Variants in COL23A1 observed in about 807,000 individuals in gnomAD.
COL23A1 encodes the protein collagen alpha-1(XXIII) chain.
In COL23A1, 97 loss-of-function variants were observed where a neutral mutation model predicts 99.3. The ratio of observed to expected loss-of-function variants is 0.98; its 90% confidence interval spans 0.83 to 1.16. The LOEUF (loss-of-function observed/expected upper bound fraction) is 1.16, where lower values mean the gene tolerates loss of function less well. COL23A1 is among the 50% of genes most tolerant of loss of function. The pLI, the probability that COL23A1 is intolerant of heterozygous loss-of-function variation, is 0.00. For synonymous variants in COL23A1, 320 were observed against 308.2 expected (o/e 1.04, Z -0.40); for missense variants, 762 against 757.4 (o/e 1.01, Z -0.07).
In COL23A1 at chr5:178,238,431, C is replaced by G; in HGVS notation, c.*267G>C. On this transcript the variant is annotated 3_prime_UTR_variant, in exon 29 of 29. Coordinates refer to ENST00000390654, the MANE Select transcript of COL23A1 (RefSeq NM_173465.4). ...AACGTAGCATCTTTCTAGCCTTGCC[C>G]GAGCCAGGTGCTTCTACCTTCATCT... 1 of 528,772 alleles carries G rather than the reference C, an allele frequency of 1.9e-6. No individual in the cohort carries two copies. Among genetic ancestry groups the G allele is most frequent in the South Asian group, 2.3e-5 (1 of 42,610 alleles). 32.8% of individuals were successfully genotyped at this position (528,772 alleles called of 1,614,324 possible). A position where few individuals can be genotyped will look rare whatever the true frequency, so the allele number is the denominator to read the frequency against.
At chr5:178,466,839 C>G (rs776033861) in intron 2 of COL23A1, among the ~76,000 whole-genome samples, 5 of 152,206 alleles carry the variant, frequency 3.3e-5, no homozygotes, top group African/African-American at 1.2e-4. Flanking sequence ...TGGGGGTCAG[C>G]TGGGCACACG....
chr5:178,263,109 T>C (rs1315967779), intron 9 of COL23A1, 99 bp downstream of exon 9: 1 of 867,942 alleles, frequency 1.2e-6, no homozygotes, highest in Non-Finnish European at 2.0e-6. Flanking sequence ...TAGTGTGGGG[T>C]CTGCACTAGA....
At chr5:178,252,264 A>G (rs1765076833) in intron 17 of COL23A1, among the ~76,000 whole-genome samples, 2 of 152,208 alleles carry the variant, frequency 1.3e-5, no homozygotes, top group Admixed American at 1.3e-4. Flanking sequence ...CTCTGGCTGC[A>G]TCCATGTAGC....
Position 178,257,557 on chromosome 5 carries a change from C to T in COL23A1, c.740G>A (p.Gly247Glu). The change falls in exon 13 of 29, where the codon GGG (glycine) becomes GAG (glutamate). Residue 247 changes from glycine to glutamate, a missense_variant. Transcript: ENST00000390654. Reference sequence around the variant, plus strand: ...TGGTGGTCCAGGCTGGCTTGGTGTCCCATCGTCGCCCTGAGGAGAGGACAC... The same window carrying T: ...TGGTGGTCCAGGCTGGCTTGGTGTCTCATCGTCGCCCTGAGGAGAGGACAC... ...PGVPGKKGDDGTPSQPGPPGP... is the reference protein window; with the variant it reads ...PGVPGKKGDDETPSQPGPPGP... 6.4e-7 allele frequency: 1 copy of T among 1,560,148 alleles called. No homozygotes were observed. The highest frequency in any genetic ancestry group is 1.2e-5 in the South Asian group (1 of 84,578).
At chr5:178,547,028 G>T (rs551154639) in intron 2 of COL23A1, among the ~76,000 whole-genome samples, 1 of 152,152 alleles carries the variant, frequency 6.6e-6, no homozygotes, top group African/African-American at 2.4e-5. Flanking sequence ...TTCTGGGAGC[G>T]CCTGGGTCCA....
At chr5:178,257,646 C>T in intron 12 of COL23A1, 79 bp from the exon 13 acceptor site, 1 of 1,406,268 alleles carries the variant, frequency 7.1e-7, no homozygotes. Context: ...GACTTCCCAG[C>T]ACACCAGTCT....
Position 178,340,491 on chromosome 5 carries a change from A to G in COL23A1, c.362-33572T>C, listed in dbSNP as rs1229567375. 6.6e-6 allele frequency among the ~76,000 whole-genome samples: 1 copy of G among 152,186 alleles called. No individual in the cohort carries two copies. Among genetic ancestry groups the G allele is most frequent in the Admixed American group, 6.5e-5 (1 of 15,284 alleles). ...CAGCCTTGAAGGATCTGAAGCCCAC[A>G]GTGTGGGCTGCTCCGTTTGGTCAGA... On this transcript the variant is annotated intron_variant, in intron 2 of 28. Coordinates refer to ENST00000390654, the MANE Select transcript of COL23A1 (RefSeq NM_173465.4). This position sits in a 1 kb window ranked among gnomAD's most constrained non-coding sequence, Gnocchi z 4.7.
intron 2 of COL23A1, among the ~76,000 whole-genome samples, chr5:178,537,019 C>T (rs694350): frequency 0.21 from 31,569 of 152,244 alleles, 3,376 homozygotes; most frequent in African/African-American, 0.26. Flanking sequence ...TCTGCTCTTC[C>T]GGTCCACTCC....
In COL23A1 at chr5:178,255,865, C is replaced by T. The variant is rs146369708; in HGVS notation, c.882+488G>A. 561 of 404,396 alleles carry T rather than the reference C, an allele frequency of 1.4e-3. 2 individuals carry two copies. Among genetic ancestry groups the T allele is most frequent in the African/African-American group, 0.011 (532 of 47,710 alleles). The allele number at this position is 404,396 out of a possible 1,614,324, so 25.1% of individuals were successfully genotyped here. On this transcript the variant is annotated intron_variant, in intron 15 of 28. Transcript: ENST00000390654. The surrounding 1 kb of genome is among the most constrained non-coding windows in gnomAD (Gnocchi z 4.2). ...CTCTGGGAGCATGAGGAGACAGAGC[C>T]GAGGCCAGGATCCCGGACGTCACCC...
chr5:178,411,030 G>T (rs943409702), intron 2 of COL23A1, among the ~76,000 whole-genome samples: 1 of 152,030 alleles, frequency 6.6e-6, no homozygotes, highest in Admixed American at 6.5e-5. Context: ...CAGCCAACAA[G>T]GATATGAAAA....
chr5:178,357,205 G>A (rs1052644224), intron 2 of COL23A1, among the ~76,000 whole-genome samples: 1 of 152,224 alleles, frequency 6.6e-6, no homozygotes, highest in African/African-American at 2.4e-5. Context: ...TGACCTTGAG[G>A]GCGCCTGCCC....
intron 4 of COL23A1, 157 bp from the exon 5 acceptor site, chr5:178,288,507 G>T: frequency 1.4e-6 from 1 of 729,800 alleles, no homozygotes; most frequent in South Asian, 1.5e-5. Flanking sequence ...AGGGGTCTTG[G>T]GGGCAGAGCA....
chr5:178,404,338 G>A (rs1764635816), intron 2 of COL23A1, among the ~76,000 whole-genome samples: 2 of 152,172 alleles, frequency 1.3e-5, no homozygotes, highest in South Asian at 4.1e-4. Context: ...TGTGGATGCA[G>A]CAAGGAGAGG....
rs1453288135 is a variant in COL23A1 at position 178,415,097 on chromosome 5, C to T, written c.362-108178G>A. Among the ~76,000 whole-genome samples the T allele has an allele frequency of 1.3e-5, 2 of 151,858 alleles. No individual in the cohort carries two copies. Among genetic ancestry groups the T allele is most frequent in the African/African-American group, 4.8e-5 (2 of 41,268 alleles). ...TGCCTCAGTTTCTCAGCACGAAACC[C>T]GGAATATGTGAGTGCTGGTTCTCTC... On this transcript the variant is annotated intron_variant, in intron 2 of 28. Coordinates refer to ENST00000390654, the MANE Select transcript of COL23A1 (RefSeq NM_173465.4). This position sits in a 1 kb window ranked among gnomAD's most constrained non-coding sequence, Gnocchi z 4.6.
rs1007251424 is a variant in COL23A1 at position 178,415,723 on chromosome 5, A to T, written c.362-108804T>A. Among the ~76,000 whole-genome samples, 1 of 152,220 alleles carries T rather than the reference A, an allele frequency of 6.6e-6. No homozygotes were observed. Among genetic ancestry groups the T allele is most frequent in the Non-Finnish European group, 1.5e-5 (1 of 68,036 alleles). ...CATCTGTGCCCGAGCCCTGCTGCACAAGGGGATGCAGAAGAGTGAGCACGA... is the reference window on the plus strand; with the variant it reads ...CATCTGTGCCCGAGCCCTGCTGCACTAGGGGATGCAGAAGAGTGAGCACGA... On this transcript the variant is annotated intron_variant, in intron 2 of 28. Transcript: ENST00000390654. The surrounding 1 kb of genome is among the most constrained non-coding windows in gnomAD (Gnocchi z 4.6).
intron 3 of COL23A1, among the ~76,000 whole-genome samples, chr5:178,299,243 GTGTT>G (rs1757907087): frequency 6.6e-6 from 1 of 152,256 alleles, no homozygotes; most frequent in East Asian, 1.9e-4. Context: ...TCTTCTTTAA[GTGTT>G]TGTTAGAATT....
intron 2 of COL23A1, among the ~76,000 whole-genome samples, chr5:178,449,927 G>A (rs6885012): frequency 0.017 from 2,610 of 152,154 alleles, 72 homozygotes; most frequent in African/African-American, 0.056. Context: ...CCGTATACCC[G>A]GCGCAGAAGA....
In COL23A1 at chr5:178,306,881, C is replaced by T. The variant is rs750098384; in HGVS notation, c.400G>A (p.Asp134Asn). The change falls in exon 3 of 29, where the codon GAC (aspartate) becomes AAC (asparagine). Residue 134 changes from aspartate to asparagine, a missense_variant. Coordinates refer to ENST00000390654, the MANE Select transcript of COL23A1 (RefSeq NM_173465.4). The surrounding 1 kb of genome is among the most constrained non-coding windows in gnomAD (Gnocchi z 4.1). ...GRRGKPGRRG[D>N]PGPPGQSGRD... ...GAGAAAACCTGGGACTCACCAGGGT[C>T]GCCTCTTCTCCCAGGCTTGCCGCGC... 19 of 1,540,122 alleles carry T rather than the reference C, an allele frequency of 1.2e-5. No individual in the cohort carries two copies. Among genetic ancestry groups the T allele is most frequent in the South Asian group, 7.3e-5 (6 of 81,824 alleles).
chr5:178,571,756 G>A (rs950737392), intron 1 of COL23A1, among the ~76,000 whole-genome samples: 2 of 152,194 alleles, frequency 1.3e-5, no homozygotes, highest in African/African-American at 4.8e-5. Context: ...AAGCTCAGCA[G>A]AGACAACAAA....
Sources: allele counts gnomAD v4.1 joint callset (sites outside exome capture counted in the v4.1 genomes callset), GRCh38; gene constraint gnomAD v4.1.1; non-coding constraint Gnocchi (gnomAD v3.1); transcripts MANE v1.5; gene names NCBI Gene and HGNC (gene_info 2026-07-23, HGNC 2026-07-21).